Variants in ZFHX3 observed in about 807,000 individuals in gnomAD.
The protein encoded by ZFHX3 is zinc finger homeobox 3, also known as zinc finger homeobox protein 3.
ZFHX3 carries 42 observed loss-of-function variants against 279.1 expected under a neutral mutation model. That is an observed-to-expected ratio of 0.15 (90% CI 0.12 to 0.19). The LOEUF (loss-of-function observed/expected upper bound fraction) is 0.19, where lower values mean the gene tolerates loss of function less well. ZFHX3 is among the 10% of genes least tolerant of loss of function. The pLI is 1.00. For missense variants in ZFHX3, 4,981 were observed against 4,754.0 expected, an observed-to-expected ratio of 1.05 and a Z score of -1.40; for synonymous variants, 2,293 against 1,957.8, an observed-to-expected ratio of 1.17 and a Z score of -4.52.
At chr16:72,861,833 G>A (rs2037897685) in intron 4 of ZFHX3, among the ~76,000 whole-genome samples, 1 of 152,130 alleles carries the variant, frequency 6.6e-6, no homozygotes, top group African/African-American at 2.4e-5. Context: ...TGGCCAACAA[G>A]GTGAAATCCC....
chr16:73,065,024 C>G (rs987531782), intron 8 of ZFHX3, among the ~76,000 whole-genome samples: 3 of 152,228 alleles, frequency 2.0e-5, no homozygotes, highest in Non-Finnish European at 4.4e-5. Context: ...GACCCTCGGT[C>G]GGGCTGTGTT....
intron 4 of ZFHX3, among the ~76,000 whole-genome samples, chr16:72,883,378 G>T (rs564327825): frequency 1.3e-5 from 2 of 152,208 alleles, no homozygotes; most frequent in African/African-American, 4.8e-5. Flanking sequence ...TTCGTAGCCT[G>T]TTAGTGATTC....
intron 2 of ZFHX3, among the ~76,000 whole-genome samples, chr16:73,539,091 A>G (rs994206768): frequency 6.6e-6 from 1 of 152,092 alleles, no homozygotes; most frequent in African/African-American, 2.4e-5. Flanking sequence ...TAAAAACAGA[A>G]ACTAATAGCC....
At chr16:73,822,732 A>G (rs1329298250) in intron 1 of ZFHX3, among the ~76,000 whole-genome samples, 1 of 152,248 alleles carries the variant, frequency 6.6e-6, no homozygotes, top group African/African-American at 2.4e-5. Context: ...ATGATGTGGC[A>G]TGAGGCATAA....
At chr16:73,539,136 T>TC (rs2143745010) in intron 2 of ZFHX3, among the ~76,000 whole-genome samples, 1 of 151,742 alleles carries the variant, frequency 6.6e-6, no homozygotes, top group Non-Finnish European at 1.5e-5. Context: ...TTTCTTTCTT[T>TC]CTTTTTTTTT....
At chr16:72,848,164 T>G (rs2037525110) in intron 4 of ZFHX3, among the ~76,000 whole-genome samples, 1 of 152,068 alleles carries the variant, frequency 6.6e-6, no homozygotes, top group Non-Finnish European at 1.5e-5. Context: ...TGAGGGGGAA[T>G]GGAGGGCAGG....
intron 1 of ZFHX3, among the ~76,000 whole-genome samples, chr16:73,764,154 C>T (rs1011030419): frequency 6.6e-6 from 1 of 152,140 alleles, no homozygotes; most frequent in Non-Finnish European, 1.5e-5. Context: ...AATACGCAAG[C>T]TGTGCCAGTG....
At position 73,498,888 on chromosome 16, in the gene ZFHX3, T is replaced by G. The variant is rs186185774; in HGVS notation, c.-1546-42630A>C. 1.1e-4 allele frequency among the ~76,000 whole-genome samples: 17 copies of G among 151,894 alleles called. No homozygotes were observed. In the East Asian group the frequency reaches 3.3e-3, roughly 29 times the overall value. ...ATAGCTGGGCGGGGCAGGGAGTGAG[T>G]GCTTCGGTTCTGATGTGGGAGATGG... On this transcript the variant is annotated intron_variant, in intron 2 of 17. Coordinates refer to the ZFHX3 transcript ENST00000641206.
chr16:73,793,178 A>G (rs777777972), intron 1 of ZFHX3, among the ~76,000 whole-genome samples: 8 of 152,172 alleles, frequency 5.3e-5, no homozygotes, highest in Non-Finnish European at 8.8e-5. Flanking sequence ...CAATGGAAAA[A>G]CAAACAAACA....
intron 2 of ZFHX3, among the ~76,000 whole-genome samples, chr16:73,588,068 T>A (rs567550108): frequency 6.6e-6 from 1 of 151,498 alleles, no homozygotes; most frequent in African/African-American, 2.5e-5. Context: ...TCTGAATACA[T>A]GCAGTTAAAC....
At position 73,804,453 on chromosome 16, in the gene ZFHX3, T is replaced by C. The variant is rs557550039; in HGVS notation, c.-1608+87198A>G. The stretch of plus-strand genomic sequence containing the variant: ...TGATACCCAGTATATGTTTGTTGAA[T>C]GGATGAGCATTAAGCAGTCAGAAAC... On this transcript the variant is annotated intron_variant, in intron 1 of 17. Coordinates refer to the ZFHX3 transcript ENST00000641206. 2.0e-5 allele frequency among the ~76,000 whole-genome samples: 3 copies of C among 152,316 alleles called. No homozygotes were observed. In the South Asian group the frequency reaches 6.2e-4, roughly 32 times the overall value.
At chr16:73,209,638 G>T (rs968688438) in intron 5 of ZFHX3, among the ~76,000 whole-genome samples, 32 of 152,160 alleles carry the variant, frequency 2.1e-4, no homozygotes, top group Non-Finnish European at 3.4e-4. Flanking sequence ...TTTTGGAGGG[G>T]ACAAACATTC....
At chr16:73,612,815 AAC>A (rs1157563929) in intron 2 of ZFHX3, among the ~76,000 whole-genome samples, 1 of 152,210 alleles carries the variant, frequency 6.6e-6, no homozygotes, top group East Asian at 1.9e-4. Flanking sequence ...AAAGCAGAGA[AAC>A]ACACACTGTA....
At chr16:73,040,811 G>C (rs998148198) in intron 1 of ZFHX3, among the ~76,000 whole-genome samples, 1 of 152,194 alleles carries the variant, frequency 6.6e-6, no homozygotes, top group African/African-American at 2.4e-5. Flanking sequence ...ATGTGAAGTG[G>C]TATGAAGCCC....
At chr16:73,414,083 C>CTCTT (rs2017523590) in intron 3 of ZFHX3, among the ~76,000 whole-genome samples, 1 of 152,234 alleles carries the variant, frequency 6.6e-6, no homozygotes, top group Non-Finnish European at 1.5e-5. Flanking sequence ...GACCACAGGA[C>CTCTT]TCTTTTACTG....
chr16:73,265,033 T>A (rs1310168426), intron 4 of ZFHX3, among the ~76,000 whole-genome samples: 2 of 150,020 alleles, frequency 1.3e-5, no homozygotes, highest in African/African-American at 4.9e-5. Flanking sequence ...TATATATATA[T>A]AACACCTCAG....
At chr16:72,911,645 G>A (rs1319913291) in intron 3 of ZFHX3, among the ~76,000 whole-genome samples, 3 of 152,162 alleles carry the variant, frequency 2.0e-5, no homozygotes, top group Admixed American at 2.0e-4. Flanking sequence ...CTAGCCACAT[G>A]TGACTATTTA....
intron 4 of ZFHX3, among the ~76,000 whole-genome samples, chr16:73,274,930 G>C (rs1456597879): frequency 6.6e-6 from 1 of 152,178 alleles, no homozygotes; most frequent in Non-Finnish European, 1.5e-5. Context: ...AGAAACTGTA[G>C]TTCCCTATAA....
chr16:73,838,789 T>TGTGTGC (rs1491525528), intron 1 of ZFHX3, among the ~76,000 whole-genome samples: 3 of 144,238 alleles, frequency 2.1e-5, no homozygotes, highest in South Asian at 2.2e-4. Flanking sequence ...TGTGTGTGTG[T>TGTGTGC]GCGTGCGCGC....
Sources: gnomAD v4.1 joint callset for allele counts (sites outside exome capture counted in the v4.1 genomes callset) on GRCh38, gnomAD v4.1.1 for gene constraint, MANE v1.5 for transcripts, NCBI Gene and HGNC (gene_info 2026-07-23, HGNC 2026-07-21) for gene names.